HNF1A: variants seen among roughly 807,000 people sequenced by gnomAD.
HNF1A encodes hepatocyte nuclear factor 1-alpha.
A neutral mutation model predicts 62.2 loss-of-function variants in HNF1A; 21 were observed. That is an observed-to-expected ratio of 0.34 (90% CI 0.24 to 0.49). The LOEUF (loss-of-function observed/expected upper bound fraction) is 0.49. Among genes scored for constraint, HNF1A ranks in the 20% least tolerant of loss-of-function variants. The pLI is 0.99. For synonymous variants in HNF1A, 374 were observed against 366.8 expected (o/e 1.02, Z -0.22); for missense variants, 687 against 832.3 (o/e 0.83, Z 2.15).
At chr12:120,988,415 C>CCCAT (rs554350590) in intron 1 of HNF1A, among the ~76,000 whole-genome samples, 2 of 147,866 alleles carry the variant, frequency 1.4e-5, no homozygotes, top group Non-Finnish European at 3.0e-5. Context: ...CACCCATTCG[C>CCCAT]CCATCCATCC....
Position 120,999,395 on chromosome 12 carries a change from G to T in HNF1A, c.1623+6G>T. Reference sequence around the variant, plus strand: ...GCCTCACGCCCACCAAGCAGGTAAGGTCCAGGCCTGCTGGCCCTCCCTTGG... The same window carrying T: ...GCCTCACGCCCACCAAGCAGGTAAGTTCCAGGCCTGCTGGCCCTCCCTTGG... On this transcript the variant is annotated splice_donor_region_variant and intron_variant, in intron 8 of 9. Coordinates refer to ENST00000257555, the MANE Select transcript of HNF1A (RefSeq NM_000545.8). 1 of 1,613,834 alleles carries T rather than the reference G, an allele frequency of 6.2e-7. No individual in the cohort carries two copies. Among genetic ancestry groups the T allele is most frequent in the Admixed American group, 1.7e-5 (1 of 60,004 alleles).
Position 120,996,924 on chromosome 12 carries a change from A to G in HNF1A, c.1309+182A>G. The G allele has an allele frequency of 6.6e-7, 1 of 1,506,448 alleles. No individual in the cohort carries two copies. Among genetic ancestry groups the G allele is most frequent in the Non-Finnish European group, 9.0e-7 (1 of 1,108,106 alleles). 93.3% of individuals were successfully genotyped at this position (1,506,448 alleles called of 1,614,324 possible). A position where few individuals can be genotyped will look rare whatever the true frequency, so the allele number is the denominator to read the frequency against. On this transcript the variant is annotated intron_variant, in intron 6 of 9. Transcript: ENST00000257555. This position sits in a 1 kb window ranked among gnomAD's most constrained non-coding sequence, Gnocchi z 4.5. ...ATACCTGGGTGAACCAAACAGACCAAAATCTCAGCAACTCAAGCAGGGAGG... is the reference window on the plus strand; with the variant it reads ...ATACCTGGGTGAACCAAACAGACCAGAATCTCAGCAACTCAAGCAGGGAGG...
chr12:121,002,353 GGGCCTGCTGCTGAGAACCT>G lies in HNF1A; in HGVS notation c.*1167_*1185del, dbSNP rs1877556660. On this transcript the variant is annotated 3_prime_UTR_variant, in exon 10 of 10. Transcript: ENST00000257555. ...AGGACAAGCATGGTCCCACATCCCT[GGGCCTGCTGCTGAGAACCT>G]GGCCTTCAGTGTACCGCGTCTACCC... 4.1e-6 allele frequency: 2 copies of G among 486,306 alleles called. No homozygotes were observed. Among genetic ancestry groups the G allele is most frequent in the Non-Finnish European group, 7.9e-6 (2 of 253,760 alleles). 30.1% of individuals were successfully genotyped at this position (486,306 alleles called of 1,614,324 possible).
At position 120,996,234 on chromosome 12, in the gene HNF1A, T is replaced by G. The variant is rs766996733; in HGVS notation, c.956-28T>G. On this transcript the variant is annotated intron_variant, in intron 4 of 9. Transcript: ENST00000257555. This position sits in a 1 kb window ranked among gnomAD's most constrained non-coding sequence, Gnocchi z 4.5. ...AGGGGAGGGCAGGGAAGTGGGGTGC[T>G]GAGGCAGGACACTGCTTCCCTCTCC... 1 of 1,613,252 alleles carries G rather than the reference T, an allele frequency of 6.2e-7. No homozygotes were observed. The highest frequency in any genetic ancestry group is 2.2e-5 in the East Asian group (1 of 44,874).
At chr12:120,994,679 C>T (rs1334305938) in intron 4 of HNF1A, among the ~76,000 whole-genome samples, 2 of 149,414 alleles carry the variant, frequency 1.3e-5, no homozygotes, top group African/African-American at 5.1e-5. Flanking sequence ...ACTCCATCCA[C>T]TCTACTCCAT....
At chr12:120,985,267 A>T (rs1363188468) in intron 1 of HNF1A, among the ~76,000 whole-genome samples, 1 of 150,778 alleles carries the variant, frequency 6.6e-6, no homozygotes, top group Non-Finnish European at 1.5e-5. Context: ...TTTTTTATAG[A>T]GACAGAGTCT....
intron 9 of HNF1A, chr12:121,000,437 C>G (rs796727606): frequency 6.1e-6 from 1 of 163,584 alleles, no homozygotes; most frequent in Non-Finnish European, 1.3e-5. Flanking sequence ...GACTCGAACC[C>G]AGGTCCCACC....
chr12:120,992,059 A>G (rs1876866902), intron 2 of HNF1A, among the ~76,000 whole-genome samples: 3 of 152,214 alleles, frequency 2.0e-5, no homozygotes. Flanking sequence ...ATATGACTGT[A>G]GTATTAGGAC....
chr12:120,989,745 G>T (rs56032668), intron 2 of HNF1A, among the ~76,000 whole-genome samples: 7 of 152,320 alleles, frequency 4.6e-5, no homozygotes, highest in African/African-American at 1.4e-4. Context: ...GCATTTCAGG[G>T]TGCTGAGCTG....
At chr12:120,991,075 G>A (rs1876811928) in intron 2 of HNF1A, among the ~76,000 whole-genome samples, 1 of 152,172 alleles carries the variant, frequency 6.6e-6, no homozygotes, top group South Asian at 2.1e-4. Context: ...AGGACTTTTA[G>A]GGATTTTGCA....
chr12:120,982,388 T>C lies in HNF1A; in HGVS notation c.326+3294T>C, dbSNP rs531235552. 2.0e-4 allele frequency among the ~76,000 whole-genome samples: 30 copies of C among 152,004 alleles called. No homozygotes were observed. In the East Asian group the frequency reaches 5.2e-3, roughly 26 times the overall value. ...GCCCTCAGCCTTCAAACCCCAATCTTGAAGTATTCTGATCCTGCCCATCAG... is the reference window on the plus strand; with the variant it reads ...GCCCTCAGCCTTCAAACCCCAATCTCGAAGTATTCTGATCCTGCCCATCAG... On this transcript the variant is annotated intron_variant, in intron 1 of 9. Coordinates refer to ENST00000257555, the MANE Select transcript of HNF1A (RefSeq NM_000545.8).
rs1314151828 is a variant in HNF1A, at chr12:121,002,061, G to C, written c.*869G>C. On this transcript the variant is annotated 3_prime_UTR_variant, in exon 10 of 10. Coordinates refer to ENST00000257555, the MANE Select transcript of HNF1A (RefSeq NM_000545.8). The stretch of plus-strand genomic sequence containing the variant: ...GTGGGGCAGCTCCTCTGTCTCGAGC[G>C]CCCTGCAGACCCTGCCCTTGTTTGG... 1.9e-6 allele frequency: 1 copy of C among 536,734 alleles called. No homozygotes were observed. Among genetic ancestry groups the C allele is most frequent in the Admixed American group, 2.2e-5 (1 of 45,028 alleles). 33.2% of individuals were successfully genotyped at this position (536,734 alleles called of 1,614,324 possible).
At chr12:121,000,858 C>A in intron 9 of HNF1A, 1 of 639,546 alleles carries the variant, frequency 1.6e-6, no homozygotes, top group Non-Finnish European at 2.8e-6. Flanking sequence ...AAGATGTACT[C>A]AGGCCACTCC....
At chr12:120,979,308 C>G (rs1460549829) in intron 1 of HNF1A, among the ~76,000 whole-genome samples, 4 of 152,344 alleles carry the variant, frequency 2.6e-5, no homozygotes, top group Admixed American at 1.3e-4. Context: ...TCCCAAATCC[C>G]ATGAGCCCAG....
chr12:120,997,126 A>C, intron 6 of HNF1A: 1 of 1,400,402 alleles, frequency 7.1e-7, no homozygotes, highest in Non-Finnish European at 9.3e-7. Flanking sequence ...AGTACATAAG[A>C]TAGATAAGGA....
At position 120,978,802 on chromosome 12, in the gene HNF1A, C is replaced by G. The variant is rs1275805852; in HGVS notation, c.34C>G (p.Leu12Val). Residue 12 changes from leucine to valine, a missense_variant, in exon 1 of 10, where the codon CTC becomes GTC. Leu to Val is a conservative substitution (Grantham distance 32). Transcript: ENST00000257555. ...VSKLSQLQTELLAALLESGLS... is the reference protein window; with the variant it reads ...VSKLSQLQTEVLAALLESGLS... ...TAAACTGAGCCAGCTGCAGACGGAG[C>G]TCCTGGCGGCCCTGCTCGAGTCAGG... The G allele has an allele frequency of 6.2e-7, 1 of 1,613,094 alleles. No homozygotes were observed. Among genetic ancestry groups the G allele is most frequent in the South Asian group, 1.1e-5 (1 of 91,082 alleles).
intron 2 of HNF1A, among the ~76,000 whole-genome samples, chr12:120,991,298 A>G (rs1049677081): frequency 2.6e-5 from 4 of 152,240 alleles, no homozygotes; most frequent in Non-Finnish European, 4.4e-5. Flanking sequence ...CTGTTGAAAA[A>G]AAAAATGTAT....
intron 6 of HNF1A, chr12:120,997,027 G>A (rs1213547056): frequency 6.7e-7 from 1 of 1,483,892 alleles, no homozygotes; most frequent in Non-Finnish European, 9.0e-7. Context: ...AGCAGGGTAA[G>A]GGGGACTGAT....
rs1565886846 is a variant in HNF1A, at chr12:120,996,739, A to G, written c.1306A>G (p.Ile436Val). The G allele has an allele frequency of 1.2e-6, 2 of 1,614,010 alleles. No homozygotes were observed. Among genetic ancestry groups the G allele is most frequent in the Non-Finnish European group, 1.7e-6 (2 of 1,179,956 alleles). The change falls in exon 6 of 10, where the codon ATC becomes GTC. Residue 436 changes from isoleucine to valine, a missense_variant. Physicochemically the swap from Ile to Val is conservative, Grantham distance 29. This residue lies in a region of HNF1A where 408 missense variants were observed against 455.3 expected (regional missense o/e 0.90). Coordinates refer to ENST00000257555, the MANE Select transcript of HNF1A (RefSeq NM_000545.8). The surrounding 1 kb of genome is among the most constrained non-coding windows in gnomAD (Gnocchi z 4.5). The stretch of plus-strand genomic sequence containing the variant: ...CAACACAGGTGCCTCCACCCTGGTC[A>G]TCGGTAAGCTGGTGGGGATGGGTGG... ...FTNTGASTLVIGLASTQAQSV... is the reference protein window; with the variant it reads ...FTNTGASTLVVGLASTQAQSV...
Sources: gnomAD v4.1 joint callset for allele counts (sites outside exome capture counted in the v4.1 genomes callset) on GRCh38, gnomAD v4.1.1 for gene constraint, gnomAD v4.1.1 regional missense constraint, Gnocchi (gnomAD v3.1) non-coding constraint, MANE v1.5 for transcripts, NCBI Gene and HGNC (gene_info 2026-07-23, HGNC 2026-07-21) for gene names.